SGCZ: variants seen among roughly 807,000 people sequenced by gnomAD.
SGCZ encodes zeta-sarcoglycan.
SGCZ carries 40 observed loss-of-function variants against 41.3 expected under a neutral mutation model. The observed-to-expected ratio is 0.97, with a 90% CI of 0.75 to 1.26. The LOEUF (loss-of-function observed/expected upper bound fraction) is 1.26, where lower values mean the gene tolerates loss of function less well. SGCZ is among the 50% of genes most tolerant of loss of function. The pLI is 0.00. For missense variants in SGCZ, 552 were observed against 369.8 expected (o/e 1.49, Z -4.04); for synonymous variants, 206 against 137.5 (o/e 1.50, Z -3.49).
chr8:15,231,026 G>A (rs986002832), intron 1 of SGCZ, among the ~76,000 whole-genome samples: 6 of 152,114 alleles, frequency 3.9e-5, no homozygotes, highest in African/African-American at 1.4e-4. Flanking sequence ...CTTTTCCACT[G>A]CACAAATGAA....
intron 1 of SGCZ, among the ~76,000 whole-genome samples, chr8:14,985,158 T>G (rs1420156898): frequency 6.6e-6 from 1 of 152,172 alleles, no homozygotes; most frequent in African/African-American, 2.4e-5. Flanking sequence ...TTTGGATGCT[T>G]ATTGTTGTCT....
At chr8:15,003,781 AC>A (rs1431529758) in intron 1 of SGCZ, among the ~76,000 whole-genome samples, 1 of 152,044 alleles carries the variant, frequency 6.6e-6, no homozygotes, top group Non-Finnish European at 1.5e-5. Flanking sequence ...CAAGAATGTA[AC>A]CCCTTCATGC....
At chr8:15,023,974 G>C (rs899279800) in intron 1 of SGCZ, among the ~76,000 whole-genome samples, 3 of 152,252 alleles carry the variant, frequency 2.0e-5, no homozygotes, top group Admixed American at 2.0e-4. Context: ...GCAGAATACA[G>C]GGACCAGGAT....
intron 1 of SGCZ, among the ~76,000 whole-genome samples, chr8:15,128,045 T>A (rs1021338404): frequency 1.3e-5 from 2 of 152,208 alleles, no homozygotes; most frequent in African/African-American, 4.8e-5. Flanking sequence ...TTATTCAGGC[T>A]GAAAATAAAT....
chr8:14,948,070 C>G (rs1365719582), intron 1 of SGCZ, among the ~76,000 whole-genome samples: 1 of 152,108 alleles, frequency 6.6e-6, no homozygotes, highest in Non-Finnish European at 1.5e-5. Context: ...CTTCCACAGA[C>G]CATAGGAGGT....
intron 1 of SGCZ, among the ~76,000 whole-genome samples, chr8:15,005,026 G>T (rs1802554032): frequency 6.6e-6 from 1 of 152,174 alleles, no homozygotes; most frequent in African/African-American, 2.4e-5. Flanking sequence ...GTTGAAAACT[G>T]ATGTTCTATA....
chr8:15,001,504 C>T (rs973479251), intron 1 of SGCZ, among the ~76,000 whole-genome samples: 11 of 152,052 alleles, frequency 7.2e-5, no homozygotes, highest in African/African-American at 1.4e-4. Flanking sequence ...CCAAGGCGGG[C>T]GGATCACGAG....
chr8:14,768,795 G>A (rs561667546), intron 1 of SGCZ, among the ~76,000 whole-genome samples: 17 of 152,036 alleles, frequency 1.1e-4, no homozygotes, highest in Non-Finnish European at 1.3e-4. Flanking sequence ...CATATGAAAC[G>A]AGTCTCTGCT....
chr8:14,918,462 A>C (rs1428671900), intron 1 of SGCZ, among the ~76,000 whole-genome samples: 1 of 152,156 alleles, frequency 6.6e-6, no homozygotes, highest in Non-Finnish European at 1.5e-5. Context: ...AATTTTACAC[A>C]GCTGTTATAT....
At chr8:14,797,175 G>A (rs900874570) in intron 1 of SGCZ, among the ~76,000 whole-genome samples, 1 of 152,202 alleles carries the variant, frequency 6.6e-6, no homozygotes, top group African/African-American at 2.4e-5. Flanking sequence ...ACAGTTTGGA[G>A]GGCTCAGAAG....
intron 1 of SGCZ, among the ~76,000 whole-genome samples, chr8:15,162,697 T>C (rs1328795338): frequency 1.3e-5 from 2 of 152,258 alleles, no homozygotes; most frequent in African/African-American, 4.8e-5. Context: ...CACCTTATCA[T>C]CATCTTCTGA....
rs147101266 is a variant in SGCZ at position 14,271,975 on chromosome 8, T to C, written c.337-34296A>G. Among the ~76,000 whole-genome samples the C allele has an allele frequency of 1.4e-3, 206 of 152,268 alleles. 1 individual carries two copies. The highest frequency in any genetic ancestry group is 4.4e-3 in the African/African-American group (182 of 41,560). ...GGGCCATTGGACAAATTTTCATATATTGCATGCTTTCATTCACTTACCAAT... is the reference window on the plus strand; with the variant it reads ...GGGCCATTGGACAAATTTTCATATACTGCATGCTTTCATTCACTTACCAAT... On this transcript the variant is annotated intron_variant, in intron 3 of 7. Transcript: ENST00000382080.
intron 1 of SGCZ, among the ~76,000 whole-genome samples, chr8:15,162,838 C>T (rs1477487673): frequency 6.6e-6 from 1 of 152,142 alleles, no homozygotes. Context: ...AGTTTATAAA[C>T]ATTTCCTAAA....
intron 1 of SGCZ, among the ~76,000 whole-genome samples, chr8:15,047,274 A>G (rs1302255775): frequency 1.3e-5 from 2 of 152,094 alleles, no homozygotes; most frequent in Non-Finnish European, 2.9e-5. Context: ...ACAAAAGGAT[A>G]TACTCATGTA....
At chr8:14,776,276 G>C (rs73531196) in intron 1 of SGCZ, among the ~76,000 whole-genome samples, 1 of 151,910 alleles carries the variant, frequency 6.6e-6, no homozygotes, top group Non-Finnish European at 1.5e-5. Context: ...TGAATCATGG[G>C]GGTGGTTTCC....
At chr8:14,941,303 T>C (rs1345997907) in intron 1 of SGCZ, among the ~76,000 whole-genome samples, 2 of 152,188 alleles carry the variant, frequency 1.3e-5, no homozygotes, top group Non-Finnish European at 2.9e-5. Context: ...TATTCAAGGA[T>C]GTTTGCTACA....
chr8:15,126,305 G>A (rs756464705), intron 1 of SGCZ, among the ~76,000 whole-genome samples: 2 of 152,140 alleles, frequency 1.3e-5, no homozygotes, highest in Non-Finnish European at 2.9e-5. Context: ...ACAGAGATAT[G>A]ATTATATTTA....
intron 1 of SGCZ, among the ~76,000 whole-genome samples, chr8:15,159,128 C>T (rs894216352): frequency 6.6e-6 from 1 of 152,066 alleles, no homozygotes; most frequent in African/African-American, 2.4e-5. Flanking sequence ...TTATCAATGG[C>T]CAATGATTTA....
At chr8:15,093,157 GA>G (rs1352865191) in intron 1 of SGCZ, among the ~76,000 whole-genome samples, 2 of 152,122 alleles carry the variant, frequency 1.3e-5, no homozygotes, top group Admixed American at 6.5e-5. Flanking sequence ...TCTGTGACTT[GA>G]AAAAGGTAAT....
Sources: gnomAD v4.1 joint callset for allele counts (sites outside exome capture counted in the v4.1 genomes callset) on GRCh38, gnomAD v4.1.1 for gene constraint, MANE v1.5 for transcripts, NCBI Gene and HGNC (gene_info 2026-07-23, HGNC 2026-07-21) for gene names.